Variants in TXLNB observed in about 807,000 individuals in gnomAD.
TXLNB encodes the protein beta-taxilin.
TXLNB carries 37 observed loss-of-function variants against 57.4 expected under a neutral mutation model. The observed-to-expected ratio is 0.64, with a 90% CI of 0.50 to 0.85. The LOEUF is 0.85. TXLNB is among the 40% of genes least tolerant of loss of function. The pLI, the probability that TXLNB is intolerant of heterozygous loss-of-function variation, is 0.00. For missense variants in TXLNB, 848 were observed against 825.6 expected (o/e 1.03, Z -0.33); for synonymous variants, 302 against 309.6 (o/e 0.98, Z 0.26).
At position 139,285,910 on chromosome 6, in the gene TXLNB, G is replaced by A. The variant is rs750316118; in HGVS notation, c.424+2566C>T. ...CCAAGGGGAAAGTGACTTTACCCAC[G>A]AGAGAGATTTTACCCACGAGAGGCC... On this transcript the variant is annotated intron_variant, in intron 2 of 9. Coordinates refer to ENST00000358430, the MANE Select transcript of TXLNB (RefSeq NM_153235.4). Among the ~76,000 whole-genome samples the A allele has an allele frequency of 4.7e-4, 68 of 145,290 alleles. 14 individuals carry two copies. Among genetic ancestry groups the A allele is most frequent in the Non-Finnish European group, 8.3e-4 (54 of 65,322 alleles).
chr6:139,280,543 A>G (rs1361515868), intron 2 of TXLNB, among the ~76,000 whole-genome samples: 6 of 136,186 alleles, frequency 4.4e-5, no homozygotes, highest in Admixed American at 2.1e-4. Context: ...TACTTGGGAA[A>G]CTGAGCAGGA....
At chr6:139,190,195 C>T in the TXLNB span, among the ~76,000 whole-genome samples, 35 of 152,082 alleles carry the variant, frequency 2.3e-4, no homozygotes, top group East Asian at 1.7e-3. Flanking sequence ...CCTTAGACTG[C>T]GTAACTTATA....
chr6:139,299,632 T>C, the TXLNB span, among the ~76,000 whole-genome samples: 1 of 152,030 alleles, frequency 6.6e-6, no homozygotes, highest in South Asian at 2.1e-4. Context: ...TCTCCCCACT[T>C]GGGGAGATGC....
chr6:139,219,513 G>A, the TXLNB span, among the ~76,000 whole-genome samples: 463 of 152,338 alleles, frequency 3.0e-3, 1 homozygote, highest in African/African-American at 9.7e-3. Flanking sequence ...TTATCAGTGC[G>A]GTGGCAGCTG....
At chr6:139,251,283 G>A (rs7761601) in intron 7 of TXLNB, among the ~76,000 whole-genome samples, 35,869 of 152,104 alleles carry the variant, frequency 0.24, 4,520 homozygotes, top group African/African-American at 0.3. Flanking sequence ...CCAATCTCTG[G>A]AACTTTTTCC....
At chr6:139,233,865 T>C in the TXLNB span, among the ~76,000 whole-genome samples, 1 of 151,908 alleles carries the variant, frequency 6.6e-6, no homozygotes, top group Non-Finnish European at 1.5e-5. Flanking sequence ...CAGGCAGAGG[T>C]TGAAACAGTT....
At chr6:139,204,825 C>T in the TXLNB span, among the ~76,000 whole-genome samples, 1 of 152,058 alleles carries the variant, frequency 6.6e-6, no homozygotes, top group Non-Finnish European at 1.5e-5. Flanking sequence ...TGGGTGAGGC[C>T]TATCATTCAC....
At chr6:139,252,058 A>T (rs1433068016) in intron 7 of TXLNB, among the ~76,000 whole-genome samples, 1 of 152,252 alleles carries the variant, frequency 6.6e-6, no homozygotes, top group African/African-American at 2.4e-5. Context: ...TGACAATTGT[A>T]TCCCATTGAT....
At chr6:139,212,434 A>C in the TXLNB span, among the ~76,000 whole-genome samples, 1 of 152,348 alleles carries the variant, frequency 6.6e-6, no homozygotes, top group South Asian at 2.1e-4. Context: ...ATGCTGAGAG[A>C]TTTTGTCACC....
At chr6:139,264,499 C>T (rs757175994) in intron 4 of TXLNB, among the ~76,000 whole-genome samples, 2 of 151,956 alleles carry the variant, frequency 1.3e-5, no homozygotes, top group South Asian at 2.1e-4. Context: ...CAATCATAAC[C>T]GCCAATCCTG....
intron 9 of TXLNB, 144 bp from the exon 10 acceptor site, chr6:139,243,458 G>A: frequency 2.6e-6 from 2 of 776,184 alleles, no homozygotes; most frequent in South Asian, 3.8e-5. Flanking sequence ...CAGAGTAGGG[G>A]CTGAACAGAT....
chr6:139,244,708 A>T lies in TXLNB; in HGVS notation c.1171-18T>A. The T allele has an allele frequency of 6.4e-7, 1 of 1,558,224 alleles. No individual in the cohort carries two copies. Among genetic ancestry groups the T allele is most frequent in the Admixed American group, 1.7e-5 (1 of 59,886 alleles). On this transcript the variant is annotated intron_variant, in intron 8 of 9. Transcript: ENST00000358430. ...TTAGTTGTCTACAGAAATTAGAGTG[A>T]GTGTGTGTTAATCTTGAAAAGTTAA...
At chr6:139,178,299 C>T in the TXLNB span, 1 of 152,052 alleles carries the variant, frequency 6.6e-6, no homozygotes, top group Non-Finnish European at 1.5e-5. Context: ...CAAAATACAG[C>T]CTTTGGTTCA....
chr6:139,295,958 A>G (rs1401085277), upstream of TXLNB, among the ~76,000 whole-genome samples: 2 of 152,188 alleles, frequency 1.3e-5, no homozygotes, highest in Non-Finnish European at 2.9e-5. Context: ...CAATATTCCC[A>G]AAGGTCAAAT....
At chr6:139,263,717 C>T (rs1469128431) in intron 4 of TXLNB, among the ~76,000 whole-genome samples, 2 of 152,086 alleles carry the variant, frequency 1.3e-5, no homozygotes, top group Non-Finnish European at 2.9e-5. Flanking sequence ...AATTTTGCTA[C>T]ATCCTACCAA....
the TXLNB span, among the ~76,000 whole-genome samples, chr6:139,308,724 G>A: frequency 6.6e-6 from 1 of 152,188 alleles, no homozygotes; most frequent in Non-Finnish European, 1.5e-5. Context: ...AGAAACTATT[G>A]AGATGCTGGG....
the TXLNB span, among the ~76,000 whole-genome samples, chr6:139,188,905 C>A: frequency 6.6e-6 from 1 of 152,194 alleles, no homozygotes. Flanking sequence ...CAGGCATGTG[C>A]CACCATGCCT....
chr6:139,256,458 T>TA (rs766611049), intron 6 of TXLNB, among the ~76,000 whole-genome samples: 1 of 152,234 alleles, frequency 6.6e-6, no homozygotes, highest in Non-Finnish European at 1.5e-5. Flanking sequence ...GCCTTCTCAG[T>TA]AACTGGAATT....
chr6:139,196,764 C>T, the TXLNB span, among the ~76,000 whole-genome samples: 1 of 152,044 alleles, frequency 6.6e-6, no homozygotes, highest in Non-Finnish European at 1.5e-5. Flanking sequence ...TAAATTAAAA[C>T]CTCAGCCAAG....
Sources: allele counts gnomAD v4.1 joint callset (sites outside exome capture counted in the v4.1 genomes callset), GRCh38; gene constraint gnomAD v4.1.1; transcripts MANE v1.5; gene names NCBI Gene and HGNC (gene_info 2026-07-23, HGNC 2026-07-21).